The following NTM variants were observed in gnomAD, a reference collection of about 807,000 sequenced individuals.
NTM encodes the protein IgLON family member 2.
In NTM, 13 loss-of-function variants were observed where a neutral mutation model predicts 42.1. That is an observed-to-expected ratio of 0.31 (90% CI 0.20 to 0.49). The LOEUF is 0.49. Among genes scored for constraint, NTM ranks in the 20% least tolerant of loss-of-function variants. The pLI is 0.99. For missense variants in NTM, 373 were observed against 452.8 expected, an observed-to-expected ratio of 0.82 and a Z score of 1.60; for synonymous variants, 187 against 179.2, an observed-to-expected ratio of 1.04 and a Z score of -0.35.
intron 2 of NTM, among the ~76,000 whole-genome samples, chr11:132,029,666 T>C (rs574788739): frequency 2.0e-5 from 3 of 152,102 alleles, no homozygotes; most frequent in Non-Finnish European, 4.4e-5. Flanking sequence ...AAAATAATCA[T>C]ATGGGCCTTT....
intron 2 of NTM, among the ~76,000 whole-genome samples, chr11:132,028,843 T>C (rs545669809): frequency 1.6e-4 from 24 of 152,228 alleles, no homozygotes; most frequent in Non-Finnish European, 2.1e-4. Flanking sequence ...GCTGGATGCA[T>C]GAGGGGATTT....
chr11:131,866,151 C>G (rs1475176749), intron 1 of NTM, among the ~76,000 whole-genome samples: 1 of 150,028 alleles, frequency 6.7e-6, no homozygotes, highest in Non-Finnish European at 1.5e-5. Flanking sequence ...GCCGCACACA[C>G]ACGGTGCACA....
intron 4 of NTM, among the ~76,000 whole-genome samples, chr11:132,299,786 C>T (rs2094773688): frequency 6.6e-6 from 1 of 152,162 alleles, no homozygotes; most frequent in Non-Finnish European, 1.5e-5. Flanking sequence ...AGAACTTTTC[C>T]TATGAAACAT....
chr11:131,617,451 A>C (rs1195753876), intron 1 of NTM, among the ~76,000 whole-genome samples: 1 of 152,154 alleles, frequency 6.6e-6, no homozygotes, highest in Non-Finnish European at 1.5e-5. Context: ...GTATTTATTG[A>C]GCATCTACTG....
intron 1 of NTM, among the ~76,000 whole-genome samples, chr11:131,616,664 G>C (rs7111111): frequency 0.36 from 53,938 of 151,886 alleles, 11,449 homozygotes; most frequent in East Asian, 0.52. Flanking sequence ...TTCCCCACCC[G>C]GCTCCTCTGG....
intron 1 of NTM, among the ~76,000 whole-genome samples, chr11:131,837,133 G>T (rs2043605996): frequency 6.6e-6 from 1 of 152,170 alleles, no homozygotes; most frequent in Non-Finnish European, 1.5e-5. Context: ...TAAAAACTCT[G>T]GTGGGGAGGG....
rs377739708 is a variant in NTM at position 131,432,839 on chromosome 11, C to CTTTTTTTTTTTTTTTTTTTTTTTTT, written c.82+61959_82+61983dup. ...CTACAAAAGATGAAGATTTAGCATTCTTTTTTTTTTTTTTTTTTTTTTTTT... is the reference window on the plus strand; with the variant it reads ...CTACAAAAGATGAAGATTTAGCATTCTTTTTTTTTTTTTTTTTTTTTTTTTTTTTTTTTTTTTTTTTTTTTTTTTT... On this transcript the variant is annotated intron_variant, in intron 1 of 8. Transcript: ENST00000683400. Among the ~76,000 whole-genome samples the CTTTTTTTTTTTTTTTTTTTTTTTTT allele has an allele frequency of 7.6e-4, 52 of 68,698 alleles. 3 individuals are homozygous for CTTTTTTTTTTTTTTTTTTTTTTTTT. Among genetic ancestry groups the CTTTTTTTTTTTTTTTTTTTTTTTTT allele is most frequent in the Non-Finnish European group, 9.3e-4 (36 of 38,808 alleles). 45.1% of individuals were successfully genotyped at this position (68,698 alleles called of 152,430 possible).
intron 1 of NTM, among the ~76,000 whole-genome samples, chr11:131,596,820 C>G (rs918109494): frequency 6.6e-6 from 1 of 152,160 alleles, no homozygotes; most frequent in East Asian, 1.9e-4. Context: ...AATATATATA[C>G]GTATATGAGT....
chr11:131,605,975 C>T (rs1261326826), intron 1 of NTM: 1 of 777,844 alleles, frequency 1.3e-6, no homozygotes, highest in African/African-American at 1.9e-5. Context: ...TTTCTTTTTT[C>T]TTTCTCTGCC....
At chr11:131,712,378 C>A (rs955340724) in intron 1 of NTM, among the ~76,000 whole-genome samples, 30 of 151,946 alleles carry the variant, frequency 2.0e-4, no homozygotes, top group African/African-American at 7.2e-4. Flanking sequence ...ACTACCTTCT[C>A]GGAAACTTCT....
chr11:131,867,791 G>A (rs2047378397), intron 1 of NTM, among the ~76,000 whole-genome samples: 1 of 152,148 alleles, frequency 6.6e-6, no homozygotes, highest in Admixed American at 6.5e-5. Flanking sequence ...TTTGCAGAGA[G>A]GGTGTTGGGG....
At chr11:131,774,587 T>G (rs2086663335) in intron 1 of NTM, among the ~76,000 whole-genome samples, 1 of 152,168 alleles carries the variant, frequency 6.6e-6, no homozygotes, top group Non-Finnish European at 1.5e-5. Flanking sequence ...TAAGATTTTT[T>G]GGCTCCAAAT....
intron 1 of NTM, among the ~76,000 whole-genome samples, chr11:131,833,671 G>T (rs2043107213): frequency 6.6e-6 from 1 of 152,164 alleles, no homozygotes; most frequent in African/African-American, 2.4e-5. Flanking sequence ...TCCTTGGTTG[G>T]TTCTCTCCTT....
chr11:132,069,836 G>T (rs1275179514), intron 2 of NTM, among the ~76,000 whole-genome samples: 12 of 148,696 alleles, frequency 8.1e-5, no homozygotes, highest in African/African-American at 2.5e-4. Flanking sequence ...ACCATCACAG[G>T]TTAGCTAACA....
At chr11:131,489,582 T>C (rs1229081493) in intron 1 of NTM, among the ~76,000 whole-genome samples, 1 of 152,238 alleles carries the variant, frequency 6.6e-6, no homozygotes, top group East Asian at 1.9e-4. Context: ...GAAGGTATCC[T>C]TCAGCCACAG....
chr11:131,657,775 G>A lies in NTM; in HGVS notation c.83-253789G>A, dbSNP rs2067396062. 2.6e-5 allele frequency among the ~76,000 whole-genome samples: 4 copies of A among 152,276 alleles called. No individual in the cohort carries two copies. In the South Asian group the frequency reaches 6.2e-4, roughly 24 times the overall value. On this transcript the variant is annotated intron_variant, in intron 1 of 8. Transcript: ENST00000683400. ...ACATTCACAAAGGTCTGGAAACCTC[G>A]AGCTTTCTTACAACTCATTTTGCAG...
intron 4 of NTM, among the ~76,000 whole-genome samples, chr11:132,214,185 A>G (rs913950561): frequency 9.2e-5 from 14 of 152,166 alleles, no homozygotes; most frequent in Non-Finnish European, 1.6e-4. Context: ...TTAGTGATGG[A>G]AAATGGCCCT....
intron 1 of NTM, among the ~76,000 whole-genome samples, chr11:131,616,306 C>T (rs1034667233): frequency 6.6e-6 from 1 of 152,198 alleles, no homozygotes; most frequent in Non-Finnish European, 1.5e-5. Context: ...CCCTATCACC[C>T]AGAAATGGGG....
chr11:132,014,596 T>C (rs1304907610), intron 2 of NTM, among the ~76,000 whole-genome samples: 1 of 152,096 alleles, frequency 6.6e-6, no homozygotes, highest in Non-Finnish European at 1.5e-5. Context: ...TAAGATGATA[T>C]CTTGTTGTGG....
Sources: allele counts gnomAD v4.1 joint callset (sites outside exome capture counted in the v4.1 genomes callset), GRCh38; gene constraint gnomAD v4.1.1; transcripts MANE v1.5; gene names NCBI Gene and HGNC (gene_info 2026-07-23, HGNC 2026-07-21).